The following CCSER1 variants were observed in gnomAD, a reference collection of about 807,000 sequenced individuals.
CCSER1 encodes the protein serine-rich coiled-coil domain-containing protein 1.
In CCSER1, 41 loss-of-function variants were observed where a neutral mutation model predicts 82.0. The ratio of observed to expected loss-of-function variants is 0.50; its 90% CI spans 0.39 to 0.65. The LOEUF (loss-of-function observed/expected upper bound fraction) is 0.65, where lower values mean the gene tolerates loss of function less well. Ranked by LOEUF, CCSER1 falls within the 30% of genes least tolerant of loss-of-function variation. The pLI is 0.00. For missense variants in CCSER1, 1,119 were observed against 1,064.2 expected (o/e 1.05, Z -0.72); for synonymous variants, 414 against 383.9 (o/e 1.08, Z -0.92).
At chr4:90,577,446 A>G (rs1393270375) in intron 5 of CCSER1, among the ~76,000 whole-genome samples, 1 of 152,148 alleles carries the variant, frequency 6.6e-6, no homozygotes, top group Non-Finnish European at 1.5e-5. Flanking sequence ...TTGCCACAGT[A>G]GTAGTTCCTA....
At chr4:90,673,901 T>G (rs1172626842) in intron 6 of CCSER1, among the ~76,000 whole-genome samples, 2 of 152,046 alleles carry the variant, frequency 1.3e-5, no homozygotes, top group African/African-American at 4.8e-5. Context: ...GGTGACCATC[T>G]ATGTTAACTA....
chr4:90,381,677 G>C (rs191501305), intron 3 of CCSER1, among the ~76,000 whole-genome samples: 110 of 152,206 alleles, frequency 7.2e-4, no homozygotes, highest in African/African-American at 2.1e-3. Flanking sequence ...ATGCGTTCCA[G>C]AGTAATGTTC....
At chr4:90,625,162 G>A (rs561282652) in intron 5 of CCSER1, among the ~76,000 whole-genome samples, 1 of 152,120 alleles carries the variant, frequency 6.6e-6, no homozygotes, top group Non-Finnish European at 1.5e-5. Context: ...GAACAGAAGA[G>A]CACCTGAATC....
intron 10 of CCSER1, among the ~76,000 whole-genome samples, chr4:91,268,555 G>A (rs1741787054): frequency 6.6e-6 from 1 of 152,038 alleles, no homozygotes; most frequent in Non-Finnish European, 1.5e-5. Flanking sequence ...TATGTCACGC[G>A]CTTCCCAGTG....
chr4:90,189,614 TC>T (rs2153394932), intron 1 of CCSER1, among the ~76,000 whole-genome samples: 1 of 152,008 alleles, frequency 6.6e-6, no homozygotes, highest in African/African-American at 2.4e-5. Flanking sequence ...TTCGTAATGT[TC>T]CTTTTTTCTT....
chr4:91,534,675 T>A (rs186530392), intron 10 of CCSER1, among the ~76,000 whole-genome samples: 1 of 152,122 alleles, frequency 6.6e-6, no homozygotes, highest in East Asian at 1.9e-4. Flanking sequence ...TTGCCTTATA[T>A]AATTTCTTAG....
intron 1 of CCSER1, among the ~76,000 whole-genome samples, chr4:90,245,898 G>T (rs1300947145): frequency 6.6e-6 from 1 of 151,534 alleles, no homozygotes; most frequent in African/African-American, 2.4e-5. Context: ...TAAGAAAAGT[G>T]AAAAAAAAGC....
intron 10 of CCSER1, among the ~76,000 whole-genome samples, chr4:91,346,033 C>CTTTTTTTT (rs534383177): frequency 0.012 from 1,716 of 144,948 alleles, 40 homozygotes; most frequent in African/African-American, 0.042. Flanking sequence ...CTTGACAGCT[C>CTTTTTTTT]TTTTTTTTTT....
intron 1 of CCSER1, among the ~76,000 whole-genome samples, chr4:90,268,385 T>C (rs944536115): frequency 6.6e-6 from 1 of 152,076 alleles, no homozygotes; most frequent in Non-Finnish European, 1.5e-5. Flanking sequence ...AATGATAAGT[T>C]AAAAAGTGGG....
chr4:90,463,255 T>A (rs1278995071), intron 4 of CCSER1, among the ~76,000 whole-genome samples: 1 of 152,174 alleles, frequency 6.6e-6, no homozygotes, highest in African/African-American at 2.4e-5. Flanking sequence ...TTATTGAGTA[T>A]AAACAATTGA....
intron 4 of CCSER1, among the ~76,000 whole-genome samples, chr4:90,427,428 TA>T (rs1757678031): frequency 6.8e-6 from 1 of 146,110 alleles, no homozygotes; most frequent in Non-Finnish European, 1.5e-5. Flanking sequence ...ATCTTTTGTT[TA>T]TATGTTTTTA....
intron 10 of CCSER1, among the ~76,000 whole-genome samples, chr4:91,118,186 G>C (rs1726790683): frequency 6.6e-6 from 1 of 151,470 alleles, no homozygotes; most frequent in Non-Finnish European, 1.5e-5. Context: ...AAAAACAGAA[G>C]TACAACTTTG....
intron 7 of CCSER1, among the ~76,000 whole-genome samples, chr4:90,783,804 C>T (rs1284254845): frequency 6.6e-6 from 1 of 151,968 alleles, no homozygotes; most frequent in East Asian, 1.9e-4. Flanking sequence ...CAATTTAATA[C>T]ACTAAGAAAG....
At chr4:90,561,184 A>AT (rs1235660394) in intron 5 of CCSER1, among the ~76,000 whole-genome samples, 1 of 152,120 alleles carries the variant, frequency 6.6e-6, no homozygotes, top group Admixed American at 6.6e-5. Flanking sequence ...AGCACCTCTC[A>AT]TTTTCCATTG....
intron 5 of CCSER1, among the ~76,000 whole-genome samples, chr4:90,621,534 C>T (rs1265468180): frequency 2.7e-5 from 4 of 150,924 alleles, no homozygotes; most frequent in African/African-American, 9.8e-5. Context: ...TTTGTTATTA[C>T]CATTTTTAAT....
chr4:91,043,697 T>C (rs1742184501), intron 9 of CCSER1, among the ~76,000 whole-genome samples: 1 of 151,040 alleles, frequency 6.6e-6, no homozygotes, highest in Non-Finnish European at 1.5e-5. Flanking sequence ...TTCATGCGAT[T>C]CTCCTGCCTC....
At chr4:90,140,814 G>A (rs563382126) in intron 1 of CCSER1, among the ~76,000 whole-genome samples, 11 of 151,534 alleles carry the variant, frequency 7.3e-5, no homozygotes, top group South Asian at 2.1e-4. Context: ...ACAGGCATGC[G>A]CCACCAAGCC....
intron 5 of CCSER1, among the ~76,000 whole-genome samples, chr4:90,595,716 C>T (rs1387153268): frequency 6.6e-6 from 1 of 151,854 alleles, no homozygotes; most frequent in African/African-American, 2.4e-5. Flanking sequence ...ATCAATAACG[C>T]CCTTGAAACC....
intron 8 of CCSER1, among the ~76,000 whole-genome samples, chr4:90,898,785 A>G (rs1724152095): frequency 6.6e-6 from 1 of 151,648 alleles, no homozygotes; most frequent in Non-Finnish European, 1.5e-5. Flanking sequence ...TGGGTTCTCT[A>G]TTCTGTTCCA....
Sources: gnomAD v4.1 joint callset for allele counts (sites outside exome capture counted in the v4.1 genomes callset) on GRCh38, gnomAD v4.1.1 for gene constraint, MANE v1.5 for transcripts, NCBI Gene and HGNC (gene_info 2026-07-23, HGNC 2026-07-21) for gene names.